The following PCARE variants were observed in gnomAD, a reference collection of about 807,000 sequenced individuals.
PCARE encodes photoreceptor cilium actin regulator.
In PCARE, 72 loss-of-function variants were observed where a neutral mutation model predicts 82.2. The ratio of observed to expected loss-of-function variants is 0.88; its 90% CI spans 0.72 to 1.07. The LOEUF (loss-of-function observed/expected upper bound fraction) is 1.07, where lower values mean the gene tolerates loss of function less well. Ranked by LOEUF, PCARE falls within the 50% of genes least tolerant of loss-of-function variation. PCARE has a pLI of 0.00. For synonymous variants in PCARE, 705 were observed against 634.8 expected, an observed-to-expected ratio of 1.11 and a Z score of -1.66; for missense variants, 1,768 against 1,592.4, an observed-to-expected ratio of 1.11 and a Z score of -1.88.
At chr2:29,070,378 T>G (rs185375651) in intron 1 of PCARE, among the ~76,000 whole-genome samples, 1 of 152,172 alleles carries the variant, frequency 6.6e-6, no homozygotes, top group Non-Finnish European at 1.5e-5. Flanking sequence ...TTAAAATATT[T>G]CCTAGGCAGC....
rs779742136 is a variant in PCARE at position 29,072,041 on chromosome 2, T to C, written c.2221A>G (p.Thr741Ala). The change falls in exon 1 of 2, where the codon ACG becomes GCG. Residue 741 changes from threonine to alanine, a missense_variant. Coordinates refer to ENST00000331664, the MANE Select transcript of PCARE (RefSeq NM_001029883.3). Reference protein sequence around the residue: ...VKKLIETFSPTESLRMLGDSK... With the variant: ...VKKLIETFSPAESLRMLGDSK... Reference sequence around the variant, plus strand: ...TCCCCCAGCATCCTCAGACTCTCCGTGGGACTGAAAGTTTCAATAAGCTTC... The same window carrying C: ...TCCCCCAGCATCCTCAGACTCTCCGCGGGACTGAAAGTTTCAATAAGCTTC... 3 of 1,614,170 alleles carry C rather than the reference T, an allele frequency of 1.9e-6. No homozygotes were observed. Among genetic ancestry groups the C allele is most frequent in the Non-Finnish European group, 2.5e-6 (3 of 1,180,022 alleles).
In PCARE at chr2:29,063,880, G is replaced by A. The variant is rs1160028722; in HGVS notation, c.*989C>T. On this transcript the variant is annotated 3_prime_UTR_variant, in exon 2 of 2. Transcript: ENST00000331664. ...AAAGTTGGCCAAGAAGCCTCCGAGG[G>A]GAGATCGGCGTGTGAGTACGTATGC... is the stretch of plus-strand genomic sequence containing the variant. 6.6e-6 allele frequency: 1 copy of A among 152,616 alleles called. No individual in the cohort carries two copies. The highest frequency in any genetic ancestry group is 1.5e-5 in the Non-Finnish European group (1 of 68,044). 9.5% of individuals were successfully genotyped at this position (152,616 alleles called of 1,614,324 possible).
Position 29,071,031 on chromosome 2 carries a change from G to C in PCARE, c.3231C>G (p.His1077Gln). 6.3e-7 allele frequency: 1 copy of C among 1,591,818 alleles called. No individual in the cohort carries two copies. The highest frequency in any genetic ancestry group is 8.6e-7 in the Non-Finnish European group (1 of 1,168,894). ...TCGAGAAAGGGGGGCTTGCTTCTGG[G>C]TGCTGGGTTGGGGGGCTGGGGACCT... ...QCKVPSPPTQ[H>Q]PEASPPFSIP... is the part of the protein sequence containing the mutation. Residue 1077 changes from histidine to glutamine, a missense_variant, in exon 1 of 2, where the codon CAC (histidine) becomes CAG (glutamine). By Grantham distance (24) the His-to-Gln change is conservative. Coordinates refer to ENST00000331664, the MANE Select transcript of PCARE (RefSeq NM_001029883.3).
At position 29,072,809 on chromosome 2, in the gene PCARE, C is replaced by T. The variant is rs371845764; in HGVS notation, c.1453G>A (p.Glu485Lys). 83 of 1,614,040 alleles carry T rather than the reference C, an allele frequency of 5.1e-5. No homozygotes were observed. In the Admixed American group the frequency reaches 6.8e-4, roughly 13 times the overall value. ...PMDASSLSDS[E>K]DSSPEEEEED... ...TCCTCCTCCTCTGGGCTGCTGTCCT[C>T]GCTGTCACTAAGAGATGAAGCGTCC... The change falls in exon 1 of 2, where the codon GAG becomes AAG. Residue 485 changes from glutamate to lysine, a missense_variant. Physicochemically the swap from Glu to Lys is moderately conservative, Grantham distance 56. Transcript: ENST00000331664.
rs1667549684 is a variant in PCARE, at chr2:29,074,272, T to C, written c.-11A>G. 1 of 1,520,270 alleles carries C rather than the reference T, an allele frequency of 6.6e-7. No homozygotes were observed. The highest frequency in any genetic ancestry group is 2.2e-5 in the Admixed American group (1 of 44,594). The allele number at this position is 1,520,270 out of a possible 1,614,324, so 94.2% of individuals were successfully genotyped here. A position where few individuals can be genotyped will look rare whatever the true frequency, so the allele number is the denominator to read the frequency against. On this transcript the variant is annotated 5_prime_UTR_variant, in exon 1 of 2. Coordinates refer to ENST00000331664, the MANE Select transcript of PCARE (RefSeq NM_001029883.3). Reference sequence around the variant, plus strand: ...AGGTGTACACCCCATGATTTCAGCTTGTAGTCATCTTCCACCCACCTTCAC... The same window carrying C: ...AGGTGTACACCCCATGATTTCAGCTCGTAGTCATCTTCCACCCACCTTCAC...
In PCARE at chr2:29,072,377, G is replaced by T. The variant is rs936915863; in HGVS notation, c.1885C>A (p.Leu629Met). The T allele has an allele frequency of 5.6e-6, 9 of 1,614,162 alleles. No individual in the cohort carries two copies. The highest frequency in any genetic ancestry group is 7.6e-6 in the Non-Finnish European group (9 of 1,180,050). ...LSQKLEAFYA[L>M]GAKGQGQSQE... is the part of the protein sequence containing the mutation. ...CTCTGCCCCTGCCCTTTGGCACCCA[G>T]GGCATAAAATGCCTCCAGCTTCTGA... The change falls in exon 1 of 2, where the codon CTG becomes ATG. Residue 629 changes from leucine to methionine, a missense_variant. Coordinates refer to ENST00000331664, the MANE Select transcript of PCARE (RefSeq NM_001029883.3).
chr2:29,072,533 TTGGGGGGACCACTGTCCTCC>T lies in PCARE; in HGVS notation c.1709_1728del (p.Gly570GlufsTer3), dbSNP rs1196801124. ...CTGCTGCCACTTACCGTGCTAGGTC[TTGGGGGGACCACTGTCCTCC>T]CCTCCTCCTCCTCAGACCAGTCCTG... On this transcript the variant is annotated frameshift_variant, in exon 1 of 2. Coordinates refer to ENST00000331664, the MANE Select transcript of PCARE (RefSeq NM_001029883.3). LOFTEE classifies it high-confidence loss of function. 7 of 1,614,074 alleles carry T rather than the reference TTGGGGGGACCACTGTCCTCC, an allele frequency of 4.3e-6. No homozygotes were observed. Among genetic ancestry groups the T allele is most frequent in the Non-Finnish European group, 5.9e-6 (7 of 1,180,034 alleles).
Position 29,071,612 on chromosome 2 carries a change from C to T in PCARE, c.2650G>A (p.Ala884Thr), listed in dbSNP as rs987171349. ...AGCAAGTCCAGGGGGCTCACAGAGG[C>T]CCTCAGCTTTGGGGAAGCCCATGTT... ...RRTWASPKLR[A>T]SVSPLDLLPS... Residue 884 changes from alanine (A) to threonine (T), a missense_variant, in exon 1 of 2, where the codon GCC becomes ACC. Ala to Thr is a moderately conservative substitution (Grantham distance 58). Coordinates refer to ENST00000331664, the MANE Select transcript of PCARE (RefSeq NM_001029883.3). The T allele has an allele frequency of 1.9e-6, 3 of 1,613,254 alleles. No individual in the cohort carries two copies. Among genetic ancestry groups the T allele is most frequent in the South Asian group, 1.1e-5 (1 of 91,072 alleles).
chr2:29,071,602 C>T lies in PCARE; in HGVS notation c.2660G>A (p.Ser887Asn). ...CTTGCTGGGCAGCAAGTCCAGGGGGCTCACAGAGGCCCTCAGCTTTGGGGA... is the reference window on the plus strand; with the variant it reads ...CTTGCTGGGCAGCAAGTCCAGGGGGTTCACAGAGGCCCTCAGCTTTGGGGA... ...WASPKLRASV[S>N]PLDLLPSKST... The change falls in exon 1 of 2, where the codon AGC becomes AAC. Residue 887 changes from serine to asparagine, a missense_variant. Transcript: ENST00000331664. 1.2e-6 allele frequency: 2 copies of T among 1,612,708 alleles called. No homozygotes were observed. Among genetic ancestry groups the T allele is most frequent in the East Asian group, 2.2e-5 (1 of 44,868 alleles).
Position 29,073,994 on chromosome 2 carries a change from C to T in PCARE, c.268G>A (p.Glu90Lys). 1 of 1,614,200 alleles carries T rather than the reference C, an allele frequency of 6.2e-7. No individual in the cohort carries two copies. Among genetic ancestry groups the T allele is most frequent in the Non-Finnish European group, 8.5e-7 (1 of 1,180,032 alleles). ...GTTTTGGTTCCTGGGATCAGTCCTT[C>T]CATATCTTTCCTTTTGCCTGAAGCA... ...DPASGKRKDM[E>K]GLIPGTKTSS... The change falls in exon 1 of 2, where the codon GAA (glutamate) becomes AAA (lysine). Residue 90 changes from glutamate (E) to lysine (K), a missense_variant. By Grantham distance (56) the Glu-to-Lys change is moderately conservative. Coordinates refer to ENST00000331664, the MANE Select transcript of PCARE (RefSeq NM_001029883.3).
rs544359384 is a variant in PCARE at position 29,073,106 on chromosome 2, G to A, written c.1156C>T (p.Pro386Ser). The change falls in exon 1 of 2, where the codon CCC becomes TCC. Residue 386 changes from proline (P) to serine (S), a missense_variant. Pro to Ser is a moderately conservative substitution (Grantham distance 74). Coordinates refer to ENST00000331664, the MANE Select transcript of PCARE (RefSeq NM_001029883.3). ...CCTGACTGCCTGGCCTCTGTGTGGGGTGAAGTCACCGACTTCCATTCTTCG... is the reference window on the plus strand; with the variant it reads ...CCTGACTGCCTGGCCTCTGTGTGGGATGAAGTCACCGACTTCCATTCTTCG... Reference protein sequence around the residue: ...EPEEWKSVTSPHTEARQSGHT... With the variant: ...EPEEWKSVTSSHTEARQSGHT... 5.6e-6 allele frequency: 9 copies of A among 1,614,178 alleles called. No homozygotes were observed. The African/African-American group carries it at 1.1e-4, about 19-fold the overall frequency.
At position 29,074,281 on chromosome 2, in the gene PCARE, C is replaced by T. The variant is rs368374958; in HGVS notation, c.-20G>A. 2 of 1,517,508 alleles carry T rather than the reference C, an allele frequency of 1.3e-6. No homozygotes were observed. The highest frequency in any genetic ancestry group is 1.8e-6 in the Non-Finnish European group (2 of 1,135,014). The allele number at this position is 1,517,508 out of a possible 1,614,324, so 94.0% of individuals were successfully genotyped here. ...CCCCATGATTTCAGCTTGTAGTCAT[C>T]TTCCACCCACCTTCACAATTTTCCA... On this transcript the variant is annotated 5_prime_UTR_variant, in exon 1 of 2. Transcript: ENST00000331664.
Position 29,072,326 on chromosome 2 carries a change from C to T in PCARE, c.1936G>A (p.Ala646Thr). 6.2e-7 allele frequency: 1 copy of T among 1,614,168 alleles called. No homozygotes were observed. Among genetic ancestry groups the T allele is most frequent in the Non-Finnish European group, 8.5e-7 (1 of 1,180,040 alleles). Residue 646 changes from alanine to threonine, a missense_variant, in exon 1 of 2, where the codon GCA becomes ACA. By Grantham distance (58) the Ala-to-Thr change is moderately conservative (BLOSUM62 0). Transcript: ENST00000331664. ...QSQEQILQPR[A>T]AAVWPNGTCR... is the part of the protein sequence containing the mutation. Reference sequence around the variant, plus strand: ...GTGCCATTGGGCCACACGGCGGCTGCTCTGGGCTGCAGAATTTGCTCCTGG... The same window carrying T: ...GTGCCATTGGGCCACACGGCGGCTGTTCTGGGCTGCAGAATTTGCTCCTGG...
At position 29,074,513 on chromosome 2, in the gene PCARE, G is replaced by A. The variant is rs1297884432; in HGVS notation, c.-252C>T. ...GAACCCTCTGCTGTTAGTGAGCAGCGGGACAATTCTGAAGGCTCCCAGCCT... is the reference window on the plus strand; with the variant it reads ...GAACCCTCTGCTGTTAGTGAGCAGCAGGACAATTCTGAAGGCTCCCAGCCT... On this transcript the variant is annotated 5_prime_UTR_variant, in exon 1 of 2. Transcript: ENST00000331664. Among the ~76,000 whole-genome samples the A allele has an allele frequency of 1.3e-5, 2 of 152,160 alleles. No individual in the cohort carries two copies. The highest frequency in any genetic ancestry group is 4.8e-5 in the African/African-American group (2 of 41,428).
chr2:29,072,359 C>G lies in PCARE; in HGVS notation c.1903G>C (p.Gly635Arg). 1 of 1,614,092 alleles carries G rather than the reference C, an allele frequency of 6.2e-7. No individual in the cohort carries two copies. The highest frequency in any genetic ancestry group is 1.1e-5 in the South Asian group (1 of 91,084). Reference sequence around the variant, plus strand: ...TGCAGAATTTGCTCCTGGCTCTGCCCCTGCCCTTTGGCACCCAGGGCATAA... The same window carrying G: ...TGCAGAATTTGCTCCTGGCTCTGCCGCTGCCCTTTGGCACCCAGGGCATAA... ...AFYALGAKGQGQSQEQILQPR... is the reference protein window; with the variant it reads ...AFYALGAKGQRQSQEQILQPR... The change falls in exon 1 of 2, where the codon GGG becomes CGG. Residue 635 changes from glycine (G) to arginine (R), a missense_variant. Physicochemically the swap from Gly to Arg is moderately radical, Grantham distance 125 (BLOSUM62 -2). Transcript: ENST00000331664.
rs538114836 is a variant in PCARE, at chr2:29,069,761, T to A, written c.3668+833A>T. ...ATATTATTTGTGTTAACGTATTTTTTAAAAAAATAATAAATATTTTACATA... is the reference window on the plus strand; with the variant it reads ...ATATTATTTGTGTTAACGTATTTTTAAAAAAAATAATAAATATTTTACATA... On this transcript the variant is annotated intron_variant, in intron 1 of 1. Transcript: ENST00000331664. Among the ~76,000 whole-genome samples, 323 of 152,258 alleles carry A rather than the reference T, an allele frequency of 2.1e-3. 1 individual carries two copies. Among genetic ancestry groups the A allele is most frequent in the Non-Finnish European group, 3.4e-3 (233 of 68,014 alleles).
In PCARE at chr2:29,069,530, C is replaced by A. The variant is rs560645302; in HGVS notation, c.3668+1064G>T. ...AGGGGAACAGTAGACACTGGGGCCTCCTTGAGGGTGGAAGGTGGGAGGAGG... is the reference window on the plus strand; with the variant it reads ...AGGGGAACAGTAGACACTGGGGCCTACTTGAGGGTGGAAGGTGGGAGGAGG... On this transcript the variant is annotated intron_variant, in intron 1 of 1. Transcript: ENST00000331664. Among the ~76,000 whole-genome samples the A allele has an allele frequency of 5.3e-5, 8 of 152,088 alleles. No homozygotes were observed. The South Asian group carries it at 1.7e-3, about 32-fold the overall frequency.
rs1378933916 is a variant in PCARE, at chr2:29,073,832, T to C, written c.430A>G (p.Lys144Glu). 3.1e-6 allele frequency: 5 copies of C among 1,614,136 alleles called. No homozygotes were observed. The highest frequency in any genetic ancestry group is 1.7e-5 in the Admixed American group (1 of 60,014). The change falls in exon 1 of 2, where the codon AAA becomes GAA. Residue 144 changes from lysine to glutamate, a missense_variant. Coordinates refer to ENST00000331664, the MANE Select transcript of PCARE (RefSeq NM_001029883.3). ...TGACATTTTGCTGTCCTTTTCCATT[T>C]GGAAGTATCTTGGGTACTACTTTCC... is the stretch of plus-strand genomic sequence containing the variant. ...SEESSTQDTS[K>E]WKRTAKCHTS...
In PCARE at chr2:29,071,079, G is replaced by T; in HGVS notation, c.3183C>A (p.Pro1061=). The T allele has an allele frequency of 6.3e-7, 1 of 1,588,142 alleles. No individual in the cohort carries two copies. Among genetic ancestry groups the T allele is most frequent in the Non-Finnish European group, 8.6e-7 (1 of 1,166,018 alleles). Residue 1061 remains proline, a synonymous_variant, in exon 1 of 2, where the codon CCC becomes CCA. Transcript: ENST00000331664. Reference sequence around the variant, plus strand: ...CCTTGCACTGAGCAGGTGCACTCTCGGGGGGAGGGTTGGGCAACTTGGGCT... The same window carrying T: ...CCTTGCACTGAGCAGGTGCACTCTCTGGGGGAGGGTTGGGCAACTTGGGCT... ...PHQPKLPNPP[P]ESAPAQCKVP... is the part of the protein sequence containing the mutation.
Sources: gnomAD v4.1 joint callset for allele counts (sites outside exome capture counted in the v4.1 genomes callset) on GRCh38, gnomAD v4.1.1 for gene constraint, MANE v1.5 for transcripts, NCBI Gene and HGNC (gene_info 2026-07-23, HGNC 2026-07-21) for gene names.